Variants in SLX4IP observed in about 807,000 individuals in gnomAD.
The protein encoded by SLX4IP is SLX4 interacting protein.
In SLX4IP, 34 loss-of-function variants were observed where a neutral mutation model predicts 32.9. The observed-to-expected ratio is 1.03, with a 90% CI of 0.79 to 1.38. The LOEUF (loss-of-function observed/expected upper bound fraction) is 1.38. Among genes scored for constraint, SLX4IP ranks in the 40% most tolerant of loss-of-function variants. The pLI, the probability that SLX4IP is intolerant of heterozygous loss-of-function variation, is 0.00. For missense variants in SLX4IP, 444 were observed against 479.0 expected (o/e 0.93, Z 0.68); for synonymous variants, 172 against 171.7 (o/e 1.00, Z -0.01).
In SLX4IP at chr20:10,598,581, A is replaced by G. The variant is rs896801082; in HGVS notation, c.239-94A>G. 3 of 1,140,722 alleles carry G rather than the reference A, an allele frequency of 2.6e-6. No homozygotes were observed. The Admixed American group carries it at 5.3e-5, about 20-fold the overall frequency. 70.7% of individuals were successfully genotyped at this position (1,140,722 alleles called of 1,614,324 possible). ...ACTCAGCTTCATTTGCTAAATAACT[A>G]TTGAATGTGTCTTTTATGGCAGGCA... On this transcript the variant is annotated intron_variant, in intron 4 of 7. Transcript: ENST00000334534.
intron 6 of SLX4IP, among the ~76,000 whole-genome samples, chr20:10,620,974 C>T (rs549899809): frequency 2.0e-5 from 3 of 152,296 alleles, no homozygotes; most frequent in African/African-American, 7.2e-5. Flanking sequence ...GCACGTTGCC[C>T]CACACAGTAG....
At chr20:10,486,090 G>T (rs1486360594) in intron 2 of SLX4IP, among the ~76,000 whole-genome samples, 1 of 151,840 alleles carries the variant, frequency 6.6e-6, no homozygotes, top group African/African-American at 2.4e-5. Flanking sequence ...TTGTTCAAGG[G>T]TTAACTGTAT....
At chr20:10,449,489 A>G (rs1262563252) in intron 1 of SLX4IP, among the ~76,000 whole-genome samples, 2 of 152,134 alleles carry the variant, frequency 1.3e-5, no homozygotes, top group Non-Finnish European at 2.9e-5. Context: ...TGGCAATTCT[A>G]CAGGTGACAG....
chr20:10,450,833 G>A (rs1490305615), intron 1 of SLX4IP, among the ~76,000 whole-genome samples: 9 of 151,742 alleles, frequency 5.9e-5, no homozygotes, highest in Admixed American at 4.6e-4. Flanking sequence ...CTCACTGCAA[G>A]CTCCGCCTCC....
chr20:10,593,007 C>T (rs1483162869), intron 4 of SLX4IP, among the ~76,000 whole-genome samples: 2 of 152,196 alleles, frequency 1.3e-5, no homozygotes, highest in Non-Finnish European at 2.9e-5. Flanking sequence ...CAGTTGGTAT[C>T]AGCCTCTTTC....
chr20:10,581,222 A>T (rs2066582771), intron 4 of SLX4IP, among the ~76,000 whole-genome samples: 1 of 152,052 alleles, frequency 6.6e-6, no homozygotes, highest in African/African-American at 2.4e-5. Flanking sequence ...ATGGGACAAG[A>T]TGGAGGGACA....
At chr20:10,483,347 C>T (rs1600917345) in intron 2 of SLX4IP, among the ~76,000 whole-genome samples, 1 of 152,116 alleles carries the variant, frequency 6.6e-6, no homozygotes, top group Non-Finnish European at 1.5e-5. Context: ...GTTTTGAACG[C>T]CTGGCCTCAA....
chr20:10,449,893 C>T (rs2065228051), intron 1 of SLX4IP, among the ~76,000 whole-genome samples: 1 of 151,770 alleles, frequency 6.6e-6, no homozygotes, highest in Non-Finnish European at 1.5e-5. Flanking sequence ...TGATGATACT[C>T]TTTGAAAAAT....
chr20:10,496,308 C>A (rs765822474), intron 2 of SLX4IP, among the ~76,000 whole-genome samples: 2 of 152,068 alleles, frequency 1.3e-5, no homozygotes, highest in African/African-American at 4.8e-5. Context: ...CCTAGCTAGC[C>A]CTTTATTTTG....
At chr20:10,527,370 A>G (rs2065948918) in intron 2 of SLX4IP, among the ~76,000 whole-genome samples, 1 of 152,180 alleles carries the variant, frequency 6.6e-6, no homozygotes, top group African/African-American at 2.4e-5. Flanking sequence ...AGAGGGGACT[A>G]GTCAGAAGGC....
intron 2 of SLX4IP, among the ~76,000 whole-genome samples, chr20:10,497,937 C>T (rs2065682706): frequency 6.6e-6 from 1 of 151,856 alleles, no homozygotes; most frequent in Non-Finnish European, 1.5e-5. Context: ...TGAGAACCAG[C>T]TTTCTCTTCT....
rs543655558 is a variant in SLX4IP at position 10,568,593 on chromosome 20, G to A, written c.238+7773G>A. On this transcript the variant is annotated intron_variant, in intron 4 of 7. Coordinates refer to ENST00000334534, the MANE Select transcript of SLX4IP (RefSeq NM_001009608.3). ...AGTGAGATAAGACCATATGAAAGATGCTCATGGATGTTTCAGGTTTCTCAT... is the reference window on the plus strand; with the variant it reads ...AGTGAGATAAGACCATATGAAAGATACTCATGGATGTTTCAGGTTTCTCAT... 2.0e-5 allele frequency among the ~76,000 whole-genome samples: 3 copies of A among 152,326 alleles called. No individual in the cohort carries two copies. The South Asian group carries it at 6.2e-4, about 32-fold the overall frequency.
chr20:10,554,739 C>T (rs970335267), intron 2 of SLX4IP, among the ~76,000 whole-genome samples: 21 of 151,812 alleles, frequency 1.4e-4, no homozygotes, highest in African/African-American at 5.1e-4. Context: ...TTCATTTATC[C>T]TATTTGTGAA....
chr20:10,449,276 A>G (rs2065224064), intron 1 of SLX4IP, among the ~76,000 whole-genome samples: 1 of 152,222 alleles, frequency 6.6e-6, no homozygotes, highest in Non-Finnish European at 1.5e-5. Context: ...GAAGGGTGCC[A>G]TATTATGTAG....
At chr20:10,533,296 A>G (rs919790686) in intron 2 of SLX4IP, among the ~76,000 whole-genome samples, 1 of 151,908 alleles carries the variant, frequency 6.6e-6, no homozygotes, top group East Asian at 1.9e-4. Flanking sequence ...CTTATATGAA[A>G]CATCTCTTTT....
intron 2 of SLX4IP, among the ~76,000 whole-genome samples, chr20:10,468,467 G>A (rs2065398625): frequency 6.6e-6 from 1 of 152,178 alleles, no homozygotes; most frequent in South Asian, 2.1e-4. Flanking sequence ...TAGACGTAAG[G>A]CATTCTGATA....
intron 2 of SLX4IP, among the ~76,000 whole-genome samples, chr20:10,504,826 C>G (rs1372266790): frequency 3.9e-5 from 6 of 152,208 alleles, no homozygotes; most frequent in South Asian, 2.1e-4. Flanking sequence ...TGTGGCGGCT[C>G]CATACCCCCA....
chr20:10,540,205 CT>C (rs1203764260), intron 2 of SLX4IP, among the ~76,000 whole-genome samples: 1 of 141,482 alleles, frequency 7.1e-6, no homozygotes, highest in Non-Finnish European at 1.5e-5. Flanking sequence ...TTCTTTCTTT[CT>C]CTTTCTTTCT....
At chr20:10,589,221 G>A (rs916210667) in intron 4 of SLX4IP, among the ~76,000 whole-genome samples, 7 of 152,106 alleles carry the variant, frequency 4.6e-5, no homozygotes, top group African/African-American at 1.7e-4. Flanking sequence ...TTATTGGAAG[G>A]TATTAAATAA....
Sources: allele counts gnomAD v4.1 joint callset (sites outside exome capture counted in the v4.1 genomes callset), GRCh38; gene constraint gnomAD v4.1.1; transcripts MANE v1.5; gene names NCBI Gene and HGNC (gene_info 2026-07-23, HGNC 2026-07-21).